ANKRD30A: variants seen among roughly 807,000 people sequenced by gnomAD.
ANKRD30A encodes the protein ankyrin repeat domain-containing protein 30A.
A neutral mutation model predicts 166.3 loss-of-function variants in ANKRD30A; 170 were observed. The ratio of observed to expected loss-of-function variants is 1.02; its 90% CI spans 0.90 to 1.16. The LOEUF (loss-of-function observed/expected upper bound fraction) is 1.16. ANKRD30A is among the 50% of genes most tolerant of loss of function. The pLI, the probability that ANKRD30A is intolerant of heterozygous loss-of-function variation, is 0.00. For missense variants in ANKRD30A, 1,630 were observed against 1,518.0 expected (o/e 1.07, Z -1.23); for synonymous variants, 564 against 508.9 (o/e 1.11, Z -1.46).
Position 37,142,049 on chromosome 10 carries a change from A to T in ANKRD30A, c.1152A>T (p.Ala384=). 1 of 1,607,656 alleles carries T rather than the reference A, an allele frequency of 6.2e-7. No homozygotes were observed. Among genetic ancestry groups the T allele is most frequent in the African/African-American group, 1.4e-5 (1 of 73,034 alleles). Residue 384 remains alanine, a synonymous_variant, in exon 7 of 36, where the codon GCA becomes GCT. Coordinates refer to ENST00000361713, the MANE Select transcript of ANKRD30A (RefSeq NM_052997.3). ...CAAAAGGAAGACCTAGGAAGATCGC[A>T]TGGGAGAAAAAAGAAGACACACCTA... ...WPAKGRPRKI[A]WEKKEDTPRE...
rs539096544 is a variant in ANKRD30A at position 37,145,206 on chromosome 10, G to A, written c.1455+150G>A. On this transcript the variant is annotated intron_variant, in intron 8 of 35. Transcript: ENST00000361713. ...CTAAAAACATACTTGGCTGGGCACG[G>A]TGACTCATGCCTGTAATCCCAGCAC... The A allele has an allele frequency of 6.7e-6, 4 of 600,448 alleles. No individual in the cohort carries two copies. In the East Asian group the frequency reaches 1.3e-4, roughly 19 times the overall value. 37.2% of individuals were successfully genotyped at this position (600,448 alleles called of 1,614,324 possible). A position where few individuals can be genotyped will look rare whatever the true frequency, so the allele number is the denominator to read the frequency against.
intron 31 of ANKRD30A, among the ~76,000 whole-genome samples, chr10:37,215,813 G>T (rs2132731805): frequency 6.6e-6 from 1 of 151,510 alleles, no homozygotes; most frequent in Admixed American, 6.6e-5. Context: ...TGGCTAAAAT[G>T]CTTTTCTTCC....
chr10:37,161,941 TAAC>T (rs888036320), intron 15 of ANKRD30A, among the ~76,000 whole-genome samples: 2 of 152,148 alleles, frequency 1.3e-5, no homozygotes, highest in Admixed American at 6.6e-5. Context: ...TGTGGTGACT[TAAC>T]AATATAAAAA....
chr10:37,227,758 C>T (rs1843227428), intron 34 of ANKRD30A, among the ~76,000 whole-genome samples: 1 of 151,926 alleles, frequency 6.6e-6, no homozygotes, highest in South Asian at 2.1e-4. Flanking sequence ...TCTTGAGTCC[C>T]ATTTCTATCA....
In ANKRD30A at chr10:37,152,127, A is replaced by C; in HGVS notation, c.1707+6A>C. On this transcript the variant is annotated splice_donor_region_variant and intron_variant, in intron 12 of 35. Coordinates refer to ENST00000361713, the MANE Select transcript of ANKRD30A (RefSeq NM_052997.3). The stretch of plus-strand genomic sequence containing the variant: ...AAAATTCTTGGGATTCTGAGGTACT[A>C]TGTGTTATTGATTTTTTTTTAATAT... 6.3e-7 allele frequency: 1 copy of C among 1,598,742 alleles called. No individual in the cohort carries two copies. Among genetic ancestry groups the C allele is most frequent in the Non-Finnish European group, 8.6e-7 (1 of 1,168,484 alleles).
chr10:37,165,057 T>C (rs1162091689), intron 17 of ANKRD30A, 37 bp from the exon 18 acceptor site: 71 of 1,575,876 alleles, frequency 4.5e-5, no homozygotes, highest in Non-Finnish European at 6.0e-5. Flanking sequence ...AGTAGAGAAC[T>C]GTGCTCATGA....
At position 37,214,372 on chromosome 10, in the gene ANKRD30A, A is replaced by G. The variant is rs1158467120; in HGVS notation, c.2870-1809A>G. ...CCATTCTGACAATCTGCTTTTGAGC[A>G]GAGGTTTTTAGACCACTTTAATTTA... On this transcript the variant is annotated intron_variant, in intron 31 of 35. Transcript: ENST00000361713. 2.3e-4 allele frequency among the ~76,000 whole-genome samples: 35 copies of G among 151,428 alleles called. 1 individual carries two copies. The highest frequency in any genetic ancestry group is 2.2e-3 in the Admixed American group (34 of 15,122).
chr10:37,135,131 G>A (rs1233047258), intron 5 of ANKRD30A: 1 of 152,124 alleles, frequency 6.6e-6, no homozygotes, highest in African/African-American at 2.4e-5. Context: ...GCATTACCAT[G>A]AAGCCATTCA....
At chr10:37,146,798 G>A (rs907102258) in intron 8 of ANKRD30A, among the ~76,000 whole-genome samples, 4 of 152,120 alleles carry the variant, frequency 2.6e-5, no homozygotes, top group Non-Finnish European at 5.9e-5. Flanking sequence ...GATTATATGA[G>A]TAAACAAGCT....
the ANKRD30A span, among the ~76,000 whole-genome samples, chr10:37,263,231 A>G: frequency 5.9e-5 from 9 of 151,742 alleles, no homozygotes; most frequent in Non-Finnish European, 2.9e-5. Context: ...GTGGTAAGTC[A>G]ATGTGGAATA....
At chr10:37,133,844 A>G in intron 4 of ANKRD30A, 72 bp from the exon 5 acceptor site, 1 of 1,532,208 alleles carries the variant, frequency 6.5e-7, no homozygotes, top group Non-Finnish European at 8.9e-7. Flanking sequence ...GTAAATGGTT[A>G]ATTCTACAAT....
intron 1 of ANKRD30A, among the ~76,000 whole-genome samples, chr10:37,127,029 A>G (rs1413942271): frequency 7.5e-6 from 1 of 132,812 alleles, no homozygotes; most frequent in East Asian, 2.6e-4. Flanking sequence ...CCTAGGTGAT[A>G]GAGTGAAACT....
intron 25 of ANKRD30A, among the ~76,000 whole-genome samples, chr10:37,192,498 G>A (rs987090681): frequency 1.3e-5 from 2 of 152,156 alleles, no homozygotes; most frequent in Middle Eastern, 3.4e-3. Flanking sequence ...TATTCTATAA[G>A]TAGAAATGCT....
chr10:37,153,811 T>G, intron 13 of ANKRD30A, 149 bp downstream of exon 13: 1 of 1,150,812 alleles, frequency 8.7e-7, no homozygotes, highest in Non-Finnish European at 1.2e-6. Context: ...GTTGTATGTC[T>G]CATCAGGTGT....
intron 13 of ANKRD30A, among the ~76,000 whole-genome samples, chr10:37,155,331 G>C (rs1588813718): frequency 6.6e-6 from 1 of 152,000 alleles, no homozygotes; most frequent in East Asian, 1.9e-4. Context: ...CAAAAATGTT[G>C]GCATACTATT....
chr10:37,130,273 A>G lies in ANKRD30A; in HGVS notation c.405A>G (p.Val135=). Residue 135 remains valine, a synonymous_variant, in exon 3 of 36, where the codon GTA becomes GTG. Transcript: ENST00000361713. The part of the protein sequence containing the change: ...LIDSGADINL[V]DVYGNTALHY... ...ATTCTGGTGCCGATATAAATCTCGTAGATGTGTATGGCAACACGGCTCTCC... is the reference window on the plus strand; with the variant it reads ...ATTCTGGTGCCGATATAAATCTCGTGGATGTGTATGGCAACACGGCTCTCC... 6.2e-7 allele frequency: 1 copy of G among 1,604,982 alleles called. No homozygotes were observed. The highest frequency in any genetic ancestry group is 8.5e-7 in the Non-Finnish European group (1 of 1,175,970).
Position 37,162,950 on chromosome 10 carries a change from A to C in ANKRD30A, c.2002+102A>C, listed in dbSNP as rs1839049684. ...GTTTATTTTTTTCAACTTTGATGAA[A>C]AGATTTGATCTAGATAATGCCAATA... On this transcript the variant is annotated intron_variant, in intron 17 of 35. Transcript: ENST00000361713. The C allele has an allele frequency of 1.3e-5, 19 of 1,431,308 alleles. No individual in the cohort carries two copies. The South Asian group carries it at 2.5e-4, about 19-fold the overall frequency. The allele number at this position is 1,431,308 out of a possible 1,614,324, so 88.7% of individuals were successfully genotyped here.
In ANKRD30A at chr10:37,145,243, C is replaced by T. The variant is rs142100240; in HGVS notation, c.1455+187C>T. On this transcript the variant is annotated intron_variant, in intron 8 of 35. Transcript: ENST00000361713. ...TGTAATCCCAGCACTTCGGAAGGCC[C>T]GAGGTGGGAGGATCACCTGAGTTCA... Among the ~76,000 whole-genome samples, 775 of 140,708 alleles carry T rather than the reference C, an allele frequency of 5.5e-3. 8 individuals carry two copies. Among genetic ancestry groups the T allele is most frequent in the African/African-American group, 0.019 (724 of 38,394 alleles). The allele number at this position is 140,708 out of a possible 152,430, so 92.3% of individuals were successfully genotyped here.
intron 7 of ANKRD30A, among the ~76,000 whole-genome samples, chr10:37,143,915 CTTTTT>C (rs34646779): frequency 7.6e-6 from 1 of 132,150 alleles, no homozygotes. Flanking sequence ...ATGCTATAGT[CTTTTT>C]TTTTTTTTTT....
Sources: gnomAD v4.1 joint callset for allele counts (sites outside exome capture counted in the v4.1 genomes callset) on GRCh38, gnomAD v4.1.1 for gene constraint, MANE v1.5 for transcripts, NCBI Gene and HGNC (gene_info 2026-07-23, HGNC 2026-07-21) for gene names.